KIRREL3: variants seen among roughly 807,000 people sequenced by gnomAD.
KIRREL3 encodes the protein kirre like nephrin family adhesion molecule 3, also known as kin of IRRE-like protein 3.
Under a neutral mutation model 89.7 loss-of-function variants are expected in KIRREL3, and 36 were observed. That is an observed-to-expected ratio of 0.40 (90% CI 0.31 to 0.53). The LOEUF is 0.53. KIRREL3 is among the 20% of genes least tolerant of loss of function. The pLI is 0.49. For synonymous variants in KIRREL3, 445 were observed against 441.4 expected, an observed-to-expected ratio of 1.01 and a Z score of -0.10; for missense variants, 864 against 1,056.6, an observed-to-expected ratio of 0.82 and a Z score of 2.53.
intron 12 of KIRREL3, among the ~76,000 whole-genome samples, chr11:126,435,782 G>T (rs1284441179): frequency 6.6e-6 from 1 of 152,220 alleles, no homozygotes; most frequent in Non-Finnish European, 1.5e-5. Flanking sequence ...GCCCAGCTGA[G>T]ACCACCCACT....
intron 2 of KIRREL3, among the ~76,000 whole-genome samples, chr11:126,547,997 T>A (rs1417099308): frequency 1.3e-5 from 2 of 152,170 alleles, no homozygotes; most frequent in Non-Finnish European, 2.9e-5. Context: ...CTACCCACTT[T>A]GTGACGTGGT....
At chr11:126,722,898 A>G (rs146205543) in intron 1 of KIRREL3, among the ~76,000 whole-genome samples, 278 of 152,332 alleles carry the variant, frequency 1.8e-3, no homozygotes, top group African/African-American at 6.3e-3. Context: ...ACTTTTCAGG[A>G]AGCACTCCTT....
rs1233970809 is a variant in KIRREL3 at position 126,908,362 on chromosome 11, T to C, written c.55+92093A>G. 2.0e-5 allele frequency among the ~76,000 whole-genome samples: 3 copies of C among 152,194 alleles called. No homozygotes were observed. The highest frequency in any genetic ancestry group is 3.2e-3 in the Middle Eastern group (1 of 316). On this transcript the variant is annotated intron_variant, in intron 1 of 16. Transcript: ENST00000525144. This position sits in a 1 kb window ranked among gnomAD's most constrained non-coding sequence, Gnocchi z 4.2. ...CATTTCGTCCAACCAAAGCAAGGAC[T>C]CCGAAGCAGGACTGCTTGTGTTCAA...
rs1047614728 is a variant in KIRREL3, at chr11:126,495,670, C to T, written c.434-22204G>A. Among the ~76,000 whole-genome samples the T allele has an allele frequency of 1.3e-5, 2 of 152,116 alleles. No individual in the cohort carries two copies. The highest frequency in any genetic ancestry group is 4.8e-5 in the African/African-American group (2 of 41,420). ...CCAGGTATAAGCAGAAACTTATGGT[C>T]ACAGTCAGGACCATGGAGGAGGAGG... is the stretch of plus-strand genomic sequence containing the variant. On this transcript the variant is annotated intron_variant, in intron 4 of 16. Transcript: ENST00000525144. This position sits in a 1 kb window ranked among gnomAD's most constrained non-coding sequence, Gnocchi z 6.5.
At chr11:126,460,194 C>T (rs899830492) in intron 6 of KIRREL3, among the ~76,000 whole-genome samples, 13 of 152,064 alleles carry the variant, frequency 8.5e-5, no homozygotes, top group Middle Eastern at 3.2e-3. Context: ...AGGCTAGGGG[C>T]GGTGAGCGCG....
chr11:126,717,804 C>A (rs946340023), intron 1 of KIRREL3, among the ~76,000 whole-genome samples: 1 of 152,218 alleles, frequency 6.6e-6, no homozygotes, highest in African/African-American at 2.4e-5. Context: ...TGTAATGCCA[C>A]CCTGCGCTGA....
Position 126,561,764 on chromosome 11 carries a change from G to A in KIRREL3, c.133+1071C>T, listed in dbSNP as rs1940139516. ...GCTTAATTGTGCTGGCCTAACTCTTGTCAGATTGTCACCATGATGGGTGCT... is the reference window on the plus strand; with the variant it reads ...GCTTAATTGTGCTGGCCTAACTCTTATCAGATTGTCACCATGATGGGTGCT... On this transcript the variant is annotated intron_variant, in intron 2 of 16. Transcript: ENST00000525144. The surrounding 1 kb of genome is among the most constrained non-coding windows in gnomAD (Gnocchi z 4.5). Among the ~76,000 whole-genome samples, 1 of 152,202 alleles carries A rather than the reference G, an allele frequency of 6.6e-6. No homozygotes were observed. The highest frequency in any genetic ancestry group is 2.4e-5 in the African/African-American group (1 of 41,456).
chr11:126,990,943 C>A lies in KIRREL3; in HGVS notation c.55+9512G>T, dbSNP rs184367248. Among the ~76,000 whole-genome samples the A allele has an allele frequency of 3.3e-4, 51 of 152,328 alleles. No individual in the cohort carries two copies. Among genetic ancestry groups the A allele is most frequent in the African/African-American group, 1.2e-3 (50 of 41,572 alleles). ...TAAGCTTCCTGTGCAATGAACCAAC[C>A]GGGCCCCAGTGTTACTCTGAAGCTG... On this transcript the variant is annotated intron_variant, in intron 1 of 16. Transcript: ENST00000525144. The surrounding 1 kb of genome is among the most constrained non-coding windows in gnomAD (Gnocchi z 6.3).
At chr11:126,593,701 C>T (rs1229490678) in intron 1 of KIRREL3, among the ~76,000 whole-genome samples, 1 of 152,190 alleles carries the variant, frequency 6.6e-6, no homozygotes, top group African/African-American at 2.4e-5. Context: ...TGTGCAATTC[C>T]TTAATTCTGA....
chr11:126,799,481 T>C (rs372799501), intron 1 of KIRREL3, among the ~76,000 whole-genome samples: 1 of 148,158 alleles, frequency 6.7e-6, no homozygotes, highest in Non-Finnish European at 1.5e-5. Flanking sequence ...TCTGTGTGTG[T>C]GCATGTGTGT....
chr11:126,737,474 G>A (rs980223454), intron 1 of KIRREL3, among the ~76,000 whole-genome samples: 9 of 152,210 alleles, frequency 5.9e-5, no homozygotes, highest in African/African-American at 2.2e-4. Flanking sequence ...GGGGACAGAC[G>A]ATGGTCTCCT....
rs1945858204 is a variant in KIRREL3 at position 126,669,909 on chromosome 11, C to T, written c.56-106997G>A. ...AAACAGACTTGTAGCCCCCACCCTG[C>T]ACATCTGTCTCTCTCCCAGTCTTCA... is the stretch of plus-strand genomic sequence containing the variant. On this transcript the variant is annotated intron_variant, in intron 1 of 16. Transcript: ENST00000525144. This position sits in a 1 kb window ranked among gnomAD's most constrained non-coding sequence, Gnocchi z 5.0. Among the ~76,000 whole-genome samples, 1 of 152,150 alleles carries T rather than the reference C, an allele frequency of 6.6e-6. No individual in the cohort carries two copies.
chr11:126,659,723 C>T (rs530367287), intron 1 of KIRREL3, among the ~76,000 whole-genome samples: 14 of 152,190 alleles, frequency 9.2e-5, no homozygotes, highest in South Asian at 4.1e-4. Context: ...ATGCCTTCCA[C>T]GGGCTGATGT....
At chr11:126,693,754 T>A (rs905784430) in intron 1 of KIRREL3, among the ~76,000 whole-genome samples, 8 of 152,198 alleles carry the variant, frequency 5.3e-5, no homozygotes, top group African/African-American at 1.9e-4. Flanking sequence ...TACCTTCTAG[T>A]GATAAAGTCG....
chr11:126,460,722 T>C (rs1956512944), intron 6 of KIRREL3, among the ~76,000 whole-genome samples: 1 of 152,158 alleles, frequency 6.6e-6, no homozygotes, highest in Non-Finnish European at 1.5e-5. Context: ...TCTGTGGGCA[T>C]GAGTGCAGAA....
chr11:126,858,732 C>T (rs756967803), intron 1 of KIRREL3, among the ~76,000 whole-genome samples: 18 of 152,288 alleles, frequency 1.2e-4, no homozygotes, highest in Non-Finnish European at 2.5e-4. Flanking sequence ...GTAAACAGTT[C>T]TGTGCAGAGA....
chr11:126,928,478 T>C (rs530941963), intron 1 of KIRREL3, among the ~76,000 whole-genome samples: 1 of 152,334 alleles, frequency 6.6e-6, no homozygotes, highest in Admixed American at 6.5e-5. Context: ...GAAAGACAGC[T>C]CTGAAATTAG....
rs2134857109 is a variant in KIRREL3 at position 126,903,945 on chromosome 11, G to A, written c.55+96510C>T. 6.6e-6 allele frequency among the ~76,000 whole-genome samples: 1 copy of A among 152,266 alleles called. No individual in the cohort carries two copies. On this transcript the variant is annotated intron_variant, in intron 1 of 16. Transcript: ENST00000525144. This position sits in a 1 kb window ranked among gnomAD's most constrained non-coding sequence, Gnocchi z 4.5. ...TGAAAGTAATCCCTTGGTTCACCCTGGAACAGAACCAGTTCTTTACAAGGT... is the reference window on the plus strand; with the variant it reads ...TGAAAGTAATCCCTTGGTTCACCCTAGAACAGAACCAGTTCTTTACAAGGT...
chr11:126,888,100 T>C (rs1438059158), intron 1 of KIRREL3, among the ~76,000 whole-genome samples: 1 of 152,132 alleles, frequency 6.6e-6, no homozygotes, highest in African/African-American at 2.4e-5. Context: ...TGTGTGAGAG[T>C]ACTTTGGAAT....
Sources: allele counts gnomAD v4.1 joint callset (sites outside exome capture counted in the v4.1 genomes callset), GRCh38; gene constraint gnomAD v4.1.1; non-coding constraint Gnocchi (gnomAD v3.1); transcripts MANE v1.5; gene names NCBI Gene and HGNC (gene_info 2026-07-23, HGNC 2026-07-21).